STPG4: variants seen among roughly 807,000 people sequenced by gnomAD.
The protein encoded by STPG4 is sperm-tail PG-rich repeat containing 4.
Under a neutral mutation model 31.5 loss-of-function variants are expected in STPG4, and 41 were observed. The ratio of observed to expected loss-of-function variants is 1.30; its 90% CI spans 1.01 to 1.69. The LOEUF is 1.69. Among genes scored for constraint, STPG4 ranks in the 40% most tolerant of loss-of-function variants. The pLI, the probability that STPG4 is intolerant of heterozygous loss-of-function variation, is 0.00. For missense variants in STPG4, 375 were observed against 293.4 expected (o/e 1.28, Z -2.03); for synonymous variants, 141 against 103.0 (o/e 1.37, Z -2.24).
intron 5 of STPG4, among the ~76,000 whole-genome samples, chr2:47,103,142 G>A (rs139213000): frequency 1.3e-5 from 2 of 152,020 alleles, no homozygotes; most frequent in East Asian, 1.9e-4. Flanking sequence ...ATATCATGGG[G>A]ACTGGAGTCG....
chr2:47,096,021 A>C (rs1040991567), intron 5 of STPG4, among the ~76,000 whole-genome samples: 2 of 152,194 alleles, frequency 1.3e-5, no homozygotes, highest in African/African-American at 4.8e-5. Context: ...CAAAAGCCCT[A>C]AACTGCCGAC....
intron 5 of STPG4, among the ~76,000 whole-genome samples, chr2:47,100,129 G>A (rs1050664129): frequency 9.9e-5 from 15 of 152,102 alleles, no homozygotes; most frequent in Non-Finnish European, 1.6e-4. Context: ...CACATGGTGC[G>A]GGACTGGCAG....
At chr2:47,129,856 T>TGTG in intron 5 of STPG4, 85 bp downstream of exon 5, 2 of 1,559,654 alleles carry the variant, frequency 1.3e-6, no homozygotes, top group Non-Finnish European at 8.7e-7. Context: ...GAGGGTTCTA[T>TGTG]GTGGCCACCT....
At chr2:47,104,214 C>A (rs1685856017) in intron 5 of STPG4, among the ~76,000 whole-genome samples, 1 of 151,976 alleles carries the variant, frequency 6.6e-6, no homozygotes, top group South Asian at 2.1e-4. Flanking sequence ...CAGTCCAAAT[C>A]AGGTTAAAAG....
rs183268641 is a variant in STPG4, at chr2:47,103,910, G to A, written c.520-13536C>T. Among the ~76,000 whole-genome samples, 40 of 152,020 alleles carry A rather than the reference G, an allele frequency of 2.6e-4. No homozygotes were observed. The East Asian group carries it at 6.4e-3, about 24-fold the overall frequency. On this transcript the variant is annotated intron_variant, in intron 5 of 6. Transcript: ENST00000445927. Reference sequence around the variant, plus strand: ...TCAGTGTTAATCTCCTGTCCTGGACGACTATCCTCAAGATCCATTACCATC... The same window carrying A: ...TCAGTGTTAATCTCCTGTCCTGGACAACTATCCTCAAGATCCATTACCATC...
intron 4 of STPG4, 27 bp from the exon 5 acceptor site, chr2:47,130,022 T>C (rs1351247411): frequency 2.0e-6 from 3 of 1,508,048 alleles, no homozygotes; most frequent in Non-Finnish European, 2.7e-6. Flanking sequence ...AAAAGAAAAG[T>C]GATTTTCTAA....
intron 5 of STPG4, among the ~76,000 whole-genome samples, chr2:47,124,185 G>T (rs973836671): frequency 6.6e-6 from 1 of 152,058 alleles, no homozygotes; most frequent in African/African-American, 2.4e-5. Flanking sequence ...GCTTCACCAT[G>T]TTGGCCAGGC....
At chr2:47,115,000 T>G (rs1254691604) in intron 5 of STPG4, among the ~76,000 whole-genome samples, 1 of 152,192 alleles carries the variant, frequency 6.6e-6, no homozygotes, top group Non-Finnish European at 1.5e-5. Flanking sequence ...ACTCCTGATC[T>G]CAAGTGACCC....
intron 3 of STPG4, among the ~76,000 whole-genome samples, chr2:47,132,684 A>G (rs1297140289): frequency 6.6e-6 from 1 of 152,162 alleles, no homozygotes; most frequent in Non-Finnish European, 1.5e-5. Flanking sequence ...GGGGCCAGCA[A>G]TGTCCTATTT....
At chr2:47,099,643 C>T (rs894301868) in intron 5 of STPG4, among the ~76,000 whole-genome samples, 1 of 152,264 alleles carries the variant, frequency 6.6e-6, no homozygotes, top group African/African-American at 2.4e-5. Flanking sequence ...ACTTGAGGAG[C>T]CCTTCAGCCC....
intron 3 of STPG4, among the ~76,000 whole-genome samples, chr2:47,140,846 A>G (rs993778799): frequency 6.6e-6 from 1 of 152,094 alleles, no homozygotes; most frequent in African/African-American, 2.4e-5. Context: ...TAGAATAATC[A>G]TAAGGTGAAT....
intron 3 of STPG4, among the ~76,000 whole-genome samples, chr2:47,134,956 A>G (rs1378344315): frequency 6.6e-6 from 1 of 152,174 alleles, no homozygotes; most frequent in Non-Finnish European, 1.5e-5. Flanking sequence ...ATATGATGTG[A>G]AACGTTTTTT....
chr2:47,142,274 CAA>C (rs56407877), intron 3 of STPG4, among the ~76,000 whole-genome samples: 2 of 151,292 alleles, frequency 1.3e-5, no homozygotes, highest in Non-Finnish European at 2.9e-5. Context: ...TCTTTTTGAC[CAA>C]AAAAAAAGAT....
chr2:47,126,100 T>C (rs1408904160), intron 5 of STPG4, among the ~76,000 whole-genome samples: 4 of 152,228 alleles, frequency 2.6e-5, no homozygotes, highest in Admixed American at 1.3e-4. Flanking sequence ...TTTATGCTAC[T>C]ACCATACTGT....
rs112736936 is a variant in STPG4, at chr2:47,099,254, G to A, written c.520-8880C>T. Among the ~76,000 whole-genome samples the A allele has an allele frequency of 3.9e-4, 59 of 152,292 alleles. 1 individual carries two copies. Among genetic ancestry groups the A allele is most frequent in the African/African-American group, 1.3e-3 (56 of 41,552 alleles). Reference sequence around the variant, plus strand: ...TTCTTAGGAGGCCGCAGGAGCAGAAGGCAACCCACAATGGTTTGAAATCTG... The same window carrying A: ...TTCTTAGGAGGCCGCAGGAGCAGAAAGCAACCCACAATGGTTTGAAATCTG... On this transcript the variant is annotated intron_variant, in intron 5 of 6. Transcript: ENST00000445927.
At chr2:47,149,907 C>T (rs2103806223) in intron 3 of STPG4, among the ~76,000 whole-genome samples, 1 of 152,292 alleles carries the variant, frequency 6.6e-6, no homozygotes, top group East Asian at 1.9e-4. Context: ...CGGAATACCT[C>T]CTTTGGATTC....
intron 5 of STPG4, among the ~76,000 whole-genome samples, chr2:47,122,919 G>A (rs1480761142): frequency 1.3e-5 from 2 of 152,064 alleles, no homozygotes; most frequent in Admixed American, 6.6e-5. Flanking sequence ...TCCGCCTCCC[G>A]GATTCAAGCC....
chr2:47,153,699 G>A (rs942129423), intron 1 of STPG4, among the ~76,000 whole-genome samples: 30 of 152,240 alleles, frequency 2.0e-4, no homozygotes, highest in Middle Eastern at 3.4e-3. Flanking sequence ...CTTGAACTCC[G>A]TAGGCAGAGG....
intron 5 of STPG4, chr2:47,128,962 A>G (rs1686416350): frequency 6.6e-6 from 1 of 152,300 alleles, no homozygotes; most frequent in Non-Finnish European, 1.5e-5. Context: ...GCTGGTGTTT[A>G]TTCGAAGCCC....
Sources: gnomAD v4.1 joint callset for allele counts (sites outside exome capture counted in the v4.1 genomes callset) on GRCh38, gnomAD v4.1.1 for gene constraint, MANE v1.5 for transcripts, NCBI Gene and HGNC (gene_info 2026-07-23, HGNC 2026-07-21) for gene names.